The following MYRIP variants were observed in gnomAD, a reference collection of about 807,000 sequenced individuals.
MYRIP encodes the protein rab effector MyRIP.
MYRIP carries 49 observed loss-of-function variants against 98.0 expected under a neutral mutation model. That is an observed-to-expected ratio of 0.50 (90% CI 0.40 to 0.63). The LOEUF (loss-of-function observed/expected upper bound fraction) is 0.63. Ranked by LOEUF, MYRIP falls within the 30% of genes least tolerant of loss-of-function variation. The probability of loss-of-function intolerance (pLI) is 0.00; values close to 1 mark genes in which losing one functional copy is unlikely to be tolerated. For synonymous variants in MYRIP, 404 were observed against 409.5 expected (o/e 0.99, Z 0.16); for missense variants, 1,004 against 1,058.2 (o/e 0.95, Z 0.71).
At chr3:40,043,542 C>T (rs1188020112) in intron 2 of MYRIP, among the ~76,000 whole-genome samples, 1 of 152,104 alleles carries the variant, frequency 6.6e-6, no homozygotes, top group African/African-American at 2.4e-5. Context: ...CTGCCCATCA[C>T]CCATAGAATC....
intron 2 of MYRIP, among the ~76,000 whole-genome samples, chr3:39,970,428 G>A (rs1391271160): frequency 6.6e-6 from 1 of 152,092 alleles, no homozygotes; most frequent in Non-Finnish European, 1.5e-5. Context: ...TTTGAACTGT[G>A]TTAGAATAAC....
chr3:40,184,721 T>C (rs1950982137), intron 9 of MYRIP, among the ~76,000 whole-genome samples: 1 of 152,234 alleles, frequency 6.6e-6, no homozygotes, highest in Non-Finnish European at 1.5e-5. Context: ...TGAGCATTCA[T>C]AATAAATTTG....
At chr3:39,866,300 A>G (rs1242642509) in intron 1 of MYRIP, among the ~76,000 whole-genome samples, 1 of 152,168 alleles carries the variant, frequency 6.6e-6, no homozygotes, top group Admixed American at 6.5e-5. Flanking sequence ...ATTTACCTGT[A>G]TAACAAACCT....
At chr3:40,133,247 C>T (rs1241880780) in intron 3 of MYRIP, among the ~76,000 whole-genome samples, 1 of 152,220 alleles carries the variant, frequency 6.6e-6, no homozygotes, top group Non-Finnish European at 1.5e-5. Context: ...TAAGAACCCT[C>T]CTGTGAAGCC....
intron 2 of MYRIP, among the ~76,000 whole-genome samples, chr3:39,994,422 C>T (rs1237232156): frequency 6.6e-6 from 1 of 152,228 alleles, no homozygotes; most frequent in Non-Finnish European, 1.5e-5. Context: ...GTCCTATGCC[C>T]ACGGAGCCTC....
chr3:40,167,151 C>T lies in MYRIP; in HGVS notation c.649-8C>T. 1.9e-6 allele frequency: 3 copies of T among 1,614,112 alleles called. No homozygotes were observed. Among genetic ancestry groups the T allele is most frequent in the South Asian group, 1.1e-5 (1 of 91,084 alleles). On this transcript the variant is annotated splice_polypyrimidine_tract_variant and splice_region_variant and intron_variant, in intron 6 of 16. Transcript: ENST00000302541. The stretch of plus-strand genomic sequence containing the variant: ...CCACAGCACACAGCCATTCTCTTCC[C>T]TCCTCAGGACAAGCAAAATGAGGCC...
chr3:39,960,048 A>G (rs1224893502), intron 2 of MYRIP, among the ~76,000 whole-genome samples: 1 of 152,054 alleles, frequency 6.6e-6, no homozygotes, highest in Non-Finnish European at 1.5e-5. Context: ...CCCATTCCCA[A>G]TCTTAAGGAA....
chr3:40,029,661 T>C (rs1389531938), intron 2 of MYRIP, among the ~76,000 whole-genome samples: 1 of 152,146 alleles, frequency 6.6e-6, no homozygotes, highest in Non-Finnish European at 1.5e-5. Flanking sequence ...GGGTTTAATA[T>C]AAGAAAGGGA....
At chr3:40,049,440 GT>G (rs930595137) in intron 3 of MYRIP, among the ~76,000 whole-genome samples, 6 of 151,938 alleles carry the variant, frequency 3.9e-5, no homozygotes, top group Non-Finnish European at 8.8e-5. Context: ...TATTATAATT[GT>G]TTGGGGGCAC....
At chr3:40,160,703 A>G (rs2371143) in intron 4 of MYRIP, among the ~76,000 whole-genome samples, 114,950 of 150,948 alleles carry the variant, frequency 0.76, 43,926 homozygotes, top group Admixed American at 0.83. Flanking sequence ...CTAGTGCGCC[A>G]TTTTTTAAGC....
chr3:40,007,255 A>C (rs150054667), intron 2 of MYRIP, among the ~76,000 whole-genome samples: 57 of 152,276 alleles, frequency 3.7e-4, no homozygotes, highest in African/African-American at 1.3e-3. Context: ...TCAGAGGACC[A>C]TTCATGTCCT....
intron 10 of MYRIP, 125 bp downstream of exon 10, chr3:40,190,588 G>A: frequency 7.0e-7 from 1 of 1,438,848 alleles, no homozygotes; most frequent in Non-Finnish European, 9.2e-7. Context: ...TCTTGGTTTT[G>A]CAGCTAAGTA....
intron 3 of MYRIP, among the ~76,000 whole-genome samples, chr3:40,144,178 G>A (rs2125565086): frequency 6.6e-6 from 1 of 152,316 alleles, no homozygotes; most frequent in East Asian, 1.9e-4. Context: ...ATTGCCTTCA[G>A]GCTTGAGTAG....
chr3:40,231,768 C>CT (rs1157839110), intron 11 of MYRIP, among the ~76,000 whole-genome samples: 5 of 151,792 alleles, frequency 3.3e-5, no homozygotes, highest in Admixed American at 1.3e-4. Context: ...TATGGTCTAA[C>CT]TTTTTTTTCT....
At chr3:40,058,729 T>C (rs1947936264) in intron 3 of MYRIP, among the ~76,000 whole-genome samples, 1 of 152,198 alleles carries the variant, frequency 6.6e-6, no homozygotes, top group Admixed American at 6.5e-5. Flanking sequence ...GGTACTTGGG[T>C]TGTATTCACT....
intron 2 of MYRIP, among the ~76,000 whole-genome samples, chr3:40,037,814 T>A (rs1166523396): frequency 6.6e-6 from 1 of 152,126 alleles, no homozygotes; most frequent in Non-Finnish European, 1.5e-5. Context: ...CCCCCCTTCC[T>A]GTTTTCTCTC....
intron 7 of MYRIP, 67 bp from the exon 8 acceptor site, chr3:40,169,883 A>G (rs976131884): frequency 6.2e-7 from 1 of 1,600,756 alleles, no homozygotes. Flanking sequence ...AGATGGTCCC[A>G]GTTACTCCAC....
At chr3:40,234,470 A>C (rs1441951030) in intron 12 of MYRIP, among the ~76,000 whole-genome samples, 1 of 152,028 alleles carries the variant, frequency 6.6e-6, no homozygotes, top group Admixed American at 6.5e-5. Flanking sequence ...CTCTTTGCAC[A>C]CAGGCAGTGT....
chr3:39,990,888 A>C (rs1051118098), intron 2 of MYRIP, among the ~76,000 whole-genome samples: 1 of 152,210 alleles, frequency 6.6e-6, no homozygotes, highest in African/African-American at 2.4e-5. Flanking sequence ...ATTCTCAGCA[A>C]ACTGTCACAA....
Sources: gnomAD v4.1 joint callset for allele counts (sites outside exome capture counted in the v4.1 genomes callset) on GRCh38, gnomAD v4.1.1 for gene constraint, MANE v1.5 for transcripts, NCBI Gene and HGNC (gene_info 2026-07-23, HGNC 2026-07-21) for gene names.